Variants in POLK observed in about 807,000 individuals in gnomAD.
POLK encodes the protein polymerase (DNA directed) kappa.
In POLK, 76 loss-of-function variants were observed where a neutral mutation model predicts 94.0. The observed-to-expected ratio is 0.81, with a 90% CI of 0.67 to 0.98. POLK has a LOEUF of 0.98. Among genes scored for constraint, POLK ranks in the 50% least tolerant of loss-of-function variants. POLK has a pLI of 0.00. For synonymous variants in POLK, 349 were observed against 325.4 expected, an observed-to-expected ratio of 1.07 and a Z score of -0.78; for missense variants, 954 against 1,010.1, an observed-to-expected ratio of 0.94 and a Z score of 0.75.
chr5:75,539,413 C>T (rs1441274011), intron 1 of POLK, among the ~76,000 whole-genome samples: 1 of 152,106 alleles, frequency 6.6e-6, no homozygotes, highest in Non-Finnish European at 1.5e-5. Context: ...TTTTAAAATT[C>T]ATCAATATTA....
At chr5:75,511,603 G>C, upstream of POLK, 1 of 1,466,888 alleles carries the variant, frequency 6.8e-7, no homozygotes, top group Non-Finnish European at 9.0e-7. Flanking sequence ...CGCTACCGCC[G>C]CCATCTTCCT....
downstream of POLK, among the ~76,000 whole-genome samples, chr5:75,603,591 A>G (rs1773350163): frequency 6.6e-6 from 1 of 152,092 alleles, no homozygotes; most frequent in South Asian, 2.1e-4. Context: ...CAGTTCACAA[A>G]ATTCCTGAAA....
intron 1 of POLK, among the ~76,000 whole-genome samples, chr5:75,522,423 T>G (rs555438346): frequency 6.6e-6 from 1 of 152,338 alleles, no homozygotes; most frequent in East Asian, 1.9e-4. Context: ...TTTGGTTTTC[T>G]CTAGTGAGGG....
intron 3 of POLK, among the ~76,000 whole-genome samples, chr5:75,563,678 G>A (rs1338392013): frequency 6.6e-6 from 1 of 152,180 alleles, no homozygotes; most frequent in Non-Finnish European, 1.5e-5. Context: ...TCATGAGCAG[G>A]TTGTTCAGTT....
chr5:75,578,302 C>T (rs1254124581), intron 6 of POLK, among the ~76,000 whole-genome samples: 1 of 152,078 alleles, frequency 6.6e-6, no homozygotes, highest in Non-Finnish European at 1.5e-5. Flanking sequence ...ATTAGAGGCG[C>T]GTGCCACCAC....
intron 1 of POLK, chr5:75,512,525 G>C (rs1471255582): frequency 2.0e-5 from 3 of 152,186 alleles, no homozygotes; most frequent in Non-Finnish European, 4.4e-5. Context: ...AAACTTTCTC[G>C]TATTAGAAAT....
intron 12 of POLK, among the ~76,000 whole-genome samples, chr5:75,595,248 GA>G (rs58783164): frequency 0.036 from 886 of 24,752 alleles, 3 homozygotes; most frequent in African/African-American, 0.082. Context: ...CTCCACCTCA[GA>G]AAAAAAAAAA....
rs147376599 is a variant in POLK, at chr5:75,530,922, T to C, written c.-13-16088T>C. 2.1e-3 allele frequency among the ~76,000 whole-genome samples: 314 copies of C among 151,758 alleles called. 1 individual carries two copies. The East Asian group carries it at 0.027, about 13-fold the overall frequency. On this transcript the variant is annotated intron_variant, in intron 1 of 14. Coordinates refer to ENST00000241436, the Ensembl canonical transcript of POLK. ...CCAGGTTCATGCCGTTCTCCTGCCT[T>C]AGCCTTGCGAGTAGCTGGGACTACA...
At chr5:75,542,874 A>G (rs1280821607) in intron 1 of POLK, among the ~76,000 whole-genome samples, 1 of 150,194 alleles carries the variant, frequency 6.7e-6, no homozygotes, top group Non-Finnish European at 1.5e-5. Flanking sequence ...CACCGCGCCC[A>G]GCTAATTTTT....
At chr5:75,560,523 TG>T (rs1258275849) in intron 3 of POLK, among the ~76,000 whole-genome samples, 1 of 152,196 alleles carries the variant, frequency 6.6e-6, no homozygotes, top group Admixed American at 6.5e-5. Context: ...TAAAAAAATT[TG>T]TTTTTTTATT....
intron 4 of POLK, among the ~76,000 whole-genome samples, chr5:75,572,945 G>T (rs2112779115): frequency 6.6e-6 from 1 of 152,338 alleles, no homozygotes; most frequent in South Asian, 2.1e-4. Context: ...CATTGTGGAA[G>T]TTAGTGTGGC....
intron 1 of POLK, among the ~76,000 whole-genome samples, chr5:75,542,766 C>T (rs983714319): frequency 7.8e-4 from 115 of 148,354 alleles, no homozygotes; most frequent in African/African-American, 2.7e-3. Flanking sequence ...GGCGTGATCT[C>T]GGCTCACTGC....
intron 1 of POLK, among the ~76,000 whole-genome samples, chr5:75,539,352 G>A (rs1014376731): frequency 1.3e-5 from 2 of 151,672 alleles, no homozygotes; most frequent in African/African-American, 2.4e-5. Context: ...GATATGACTA[G>A]GAAGAAAATA....
At chr5:75,514,824 C>G (rs1267289411) in intron 1 of POLK, among the ~76,000 whole-genome samples, 1 of 151,502 alleles carries the variant, frequency 6.6e-6, no homozygotes, top group African/African-American at 2.4e-5. Context: ...GTGATCATGC[C>G]AGTGCACTCC....
chr5:75,513,132 G>A (rs1768151030), intron 1 of POLK, among the ~76,000 whole-genome samples: 1 of 152,180 alleles, frequency 6.6e-6, no homozygotes, highest in African/African-American at 2.4e-5. Context: ...GTAGCATGAA[G>A]CTAGGTTATC....
intron 4 of POLK, 79 bp from the exon 5 acceptor site, chr5:75,573,659 T>A (rs1771717591): frequency 1.7e-6 from 2 of 1,150,032 alleles, no homozygotes; most frequent in Non-Finnish European, 2.6e-6. Context: ...CACATATTAA[T>A]GTGTTTCTTA....
intron 7 of POLK, chr5:75,582,616 T>G (rs1478426080): frequency 1.3e-5 from 2 of 152,160 alleles, no homozygotes; most frequent in Non-Finnish European, 2.9e-5. Flanking sequence ...TAAATTATAT[T>G]CTGTATCTTT....
exon 13 of POLK, chr5:75,596,759 A>G: frequency 6.2e-7 from 1 of 1,612,694 alleles, no homozygotes; most frequent in East Asian, 2.2e-5. Flanking sequence ...TATGAAGCCC[A>G]TCCAAAAATT....
At chr5:75,592,016 C>A (rs1015014795) in intron 11 of POLK, among the ~76,000 whole-genome samples, 18 of 152,196 alleles carry the variant, frequency 1.2e-4, no homozygotes, top group Admixed American at 1.1e-3. Context: ...AATCTAACTA[C>A]CCTCAGATGA....
Sources: allele counts gnomAD v4.1 joint callset (sites outside exome capture counted in the v4.1 genomes callset), GRCh38; gene constraint gnomAD v4.1.1; transcripts MANE v1.5; gene names NCBI Gene and HGNC (gene_info 2026-07-23, HGNC 2026-07-21).